SOX6: variants seen among roughly 807,000 people sequenced by gnomAD.
The protein encoded by SOX6 is transcription factor SOX-6.
A neutral mutation model predicts 97.8 loss-of-function variants in SOX6; 11 were observed. The observed-to-expected ratio is 0.11, with a 90% CI of 0.07 to 0.19. The LOEUF is 0.19. Ranked by LOEUF, SOX6 falls within the 10% of genes least tolerant of loss-of-function variation. The pLI is 1.00. For synonymous variants in SOX6, 360 were observed against 371.4 expected (o/e 0.97, Z 0.35); for missense variants, 810 against 1,039.5 (o/e 0.78, Z 3.04).
At chr11:16,706,023 T>C (rs1848129800) in intron 3 of SOX6, among the ~76,000 whole-genome samples, 1 of 152,086 alleles carries the variant, frequency 6.6e-6, no homozygotes, top group East Asian at 1.9e-4. Context: ...AACTCTCTAA[T>C]TGAAAGGGGG....
chr11:16,640,385 T>C (rs889265248), intron 3 of SOX6, among the ~76,000 whole-genome samples: 115 of 152,346 alleles, frequency 7.5e-4, no homozygotes, highest in African/African-American at 2.2e-3. Context: ...TTTTGTTGTG[T>C]CTCTGCCAGG....
chr11:16,423,354 C>T (rs767500806), intron 1 of SOX6, among the ~76,000 whole-genome samples: 36 of 151,988 alleles, frequency 2.4e-4, no homozygotes, highest in African/African-American at 3.4e-4. Context: ...AAAATTGTAC[C>T]GCCATCACTC....
intron 4 of SOX6, among the ~76,000 whole-genome samples, chr11:16,215,087 G>A (rs1029108743): frequency 1.9e-4 from 29 of 152,026 alleles, no homozygotes; most frequent in Non-Finnish European, 1.3e-4. Flanking sequence ...ATAATTTGAT[G>A]ACTTAATCCT....
chr11:16,407,272 A>G (rs750237881), intron 1 of SOX6, among the ~76,000 whole-genome samples: 18 of 152,122 alleles, frequency 1.2e-4, no homozygotes, highest in Non-Finnish European at 2.1e-4. Flanking sequence ...TTTAAAACTA[A>G]AAATTCTTTT....
rs544582314 is a variant in SOX6, at chr11:16,327,415, A to G, written c.238-8762T>C. On this transcript the variant is annotated intron_variant, in intron 2 of 15. Coordinates refer to ENST00000683767, the MANE Select transcript of SOX6 (RefSeq NM_001367873.1). ...ACTGGCACCTTTTAAGTTTTTATTC[A>G]TACTTGTTCATCTAAGTGGAATAAT... Among the ~76,000 whole-genome samples, 3 of 152,130 alleles carry G rather than the reference A, an allele frequency of 2.0e-5. No individual in the cohort carries two copies. The East Asian group carries it at 5.8e-4, about 29-fold the overall frequency.
At chr11:16,106,142 G>A (rs1191346921) in intron 7 of SOX6, among the ~76,000 whole-genome samples, 2 of 152,050 alleles carry the variant, frequency 1.3e-5, no homozygotes, top group African/African-American at 4.8e-5. Flanking sequence ...GCAACCTGCA[G>A]AGTCAAAGCA....
chr11:16,695,294 A>G (rs1373656052), intron 3 of SOX6, among the ~76,000 whole-genome samples: 2 of 152,254 alleles, frequency 1.3e-5, no homozygotes, highest in African/African-American at 4.8e-5. Context: ...AAATCTAGAA[A>G]TGAAAAAATA....
chr11:16,203,416 T>A (rs1035239943), intron 4 of SOX6, among the ~76,000 whole-genome samples: 1 of 152,166 alleles, frequency 6.6e-6, no homozygotes, highest in African/African-American at 2.4e-5. Context: ...AAGATTCATA[T>A]TGCAAGTAAG....
chr11:16,399,845 G>A (rs1166499690), intron 1 of SOX6, among the ~76,000 whole-genome samples: 1 of 151,280 alleles, frequency 6.6e-6, no homozygotes, highest in Non-Finnish European at 1.5e-5. Flanking sequence ...ATCCAACATT[G>A]CCCTAAGATT....
intron 4 of SOX6, among the ~76,000 whole-genome samples, chr11:16,190,039 C>A (rs941801381): frequency 6.6e-6 from 1 of 152,088 alleles, no homozygotes; most frequent in Non-Finnish European, 1.5e-5. Context: ...AAAGATAATA[C>A]CTAAGTGACT....
chr11:16,398,685 T>C (rs1858439732), intron 1 of SOX6, among the ~76,000 whole-genome samples: 1 of 151,356 alleles, frequency 6.6e-6, no homozygotes, highest in Non-Finnish European at 1.5e-5. Flanking sequence ...CTCTGCTTTA[T>C]GAAACTCTTT....
At chr11:16,285,978 C>T (rs1008906267) in intron 3 of SOX6, among the ~76,000 whole-genome samples, 6 of 152,012 alleles carry the variant, frequency 3.9e-5, no homozygotes, top group African/African-American at 9.7e-5. Context: ...AAAATGAATA[C>T]GTTTCTATTA....
intron 1 of SOX6, among the ~76,000 whole-genome samples, chr11:16,391,336 T>G (rs1385631332): frequency 1.3e-5 from 2 of 152,060 alleles, no homozygotes; most frequent in East Asian, 3.9e-4. Flanking sequence ...TTAAAGTATG[T>G]TAATAAAAAA....
At chr11:16,301,291 T>C (rs538774054) in intron 3 of SOX6, among the ~76,000 whole-genome samples, 17 of 152,194 alleles carry the variant, frequency 1.1e-4, no homozygotes, top group Non-Finnish European at 2.5e-4. Context: ...TCTTAGACAG[T>C]TAACCGATCA....
intron 2 of SOX6, among the ~76,000 whole-genome samples, chr11:16,722,389 A>G (rs1405485851): frequency 6.6e-6 from 1 of 152,200 alleles, no homozygotes; most frequent in Non-Finnish European, 1.5e-5. Flanking sequence ...GCAGTGGTTC[A>G]CACCTGTAAT....
chr11:16,638,966 T>C (rs1590027891), intron 3 of SOX6, among the ~76,000 whole-genome samples: 1 of 152,230 alleles, frequency 6.6e-6, no homozygotes, highest in East Asian at 1.9e-4. Context: ...GCCATTGCTT[T>C]TGGTGTTTTA....
intron 1 of SOX6, among the ~76,000 whole-genome samples, chr11:16,413,060 C>T (rs555787387): frequency 2.7e-4 from 41 of 152,150 alleles, no homozygotes; most frequent in Non-Finnish European, 4.3e-4. Flanking sequence ...CAGTAAACAG[C>T]AAAAGAGTTT....
In SOX6 at chr11:16,076,386, A is replaced by G. The variant is rs546292461; in HGVS notation, c.1101+19610T>C. 9.3e-5 allele frequency among the ~76,000 whole-genome samples: 14 copies of G among 151,064 alleles called. No homozygotes were observed. In the South Asian group the frequency reaches 2.9e-3, roughly 32 times the overall value. ...AAAGGTCTAATATGCAGAATCTATA[A>G]GGAACTTAAATCAATAAGCAAAAAA... On this transcript the variant is annotated intron_variant, in intron 9 of 15. Transcript: ENST00000683767.
At chr11:16,067,596 G>C (rs1429267745) in intron 9 of SOX6, among the ~76,000 whole-genome samples, 1 of 152,046 alleles carries the variant, frequency 6.6e-6, no homozygotes, top group African/African-American at 2.4e-5. Context: ...GTCCTCATTA[G>C]CAGCATGAGG....
Sources: gnomAD v4.1 joint callset for allele counts (sites outside exome capture counted in the v4.1 genomes callset) on GRCh38, gnomAD v4.1.1 for gene constraint, MANE v1.5 for transcripts, NCBI Gene and HGNC (gene_info 2026-07-23, HGNC 2026-07-21) for gene names.